The following PRKAA2 variants were observed in gnomAD, a reference collection of about 807,000 sequenced individuals.
PRKAA2 encodes the protein protein kinase AMP-activated catalytic subunit alpha 2, also known as 5'-AMP-activated protein kinase catalytic subunit alpha-2.
In PRKAA2, 40 loss-of-function variants were observed where a neutral mutation model predicts 56.3. The observed-to-expected ratio is 0.71, with a 90% CI of 0.55 to 0.92. The LOEUF (loss-of-function observed/expected upper bound fraction) is 0.92, where lower values mean the gene tolerates loss of function less well. PRKAA2 is among the 40% of genes least tolerant of loss of function. PRKAA2 has a pLI of 0.00. For synonymous variants in PRKAA2, 214 were observed against 234.2 expected, an observed-to-expected ratio of 0.91 and a Z score of 0.79; for missense variants, 542 against 686.9, an observed-to-expected ratio of 0.79 and a Z score of 2.36.
At position 56,645,460 on chromosome 1, in the gene PRKAA2, G is replaced by C; in HGVS notation, c.73G>C (p.Gly25Arg). ...HYVLGDTLGVGTFGKVKIGEH... is the reference protein window; with the variant it reads ...HYVLGDTLGVRTFGKVKIGEH... ...CGTGCTGGGCGACACGCTGGGCGTCGGCACCTTCGGCAAAGTGAAGAGTTG... is the reference window on the plus strand; with the variant it reads ...CGTGCTGGGCGACACGCTGGGCGTCCGCACCTTCGGCAAAGTGAAGAGTTG... Residue 25 changes from glycine to arginine, a missense_variant, in exon 1 of 9, where the codon GGC becomes CGC. Gly to Arg is a moderately radical substitution (Grantham distance 125). Around this residue, in one of 5 missense-constraint regions of PRKAA2, gnomAD observed 59 missense variants for 53.9 expected, o/e 1.09. Transcript: ENST00000371244. 6.7e-7 allele frequency: 1 copy of C among 1,500,038 alleles called. No individual in the cohort carries two copies. Among genetic ancestry groups the C allele is most frequent in the Non-Finnish European group, 8.9e-7 (1 of 1,117,830 alleles). The allele number at this position is 1,500,038 out of a possible 1,614,324, so 92.9% of individuals were successfully genotyped here.
In PRKAA2 at chr1:56,698,906, A is replaced by T. The variant is rs147131750; in HGVS notation, c.788+2747A>T. 6.9e-3 allele frequency among the ~76,000 whole-genome samples: 1,045 copies of T among 152,272 alleles called. 13 individuals are homozygous for T. Among genetic ancestry groups the T allele is most frequent in the African/African-American group, 0.024 (1,008 of 41,568 alleles). On this transcript the variant is annotated intron_variant, in intron 6 of 8. Transcript: ENST00000371244. ...GATAGATATTATCTTCATGGAAAAC[A>T]CATCTTTGTGTTCTCCAGGTATCTT...
In PRKAA2 at chr1:56,680,093, G is replaced by C. The variant is rs894143609; in HGVS notation, c.236+5571G>C. Among the ~76,000 whole-genome samples the C allele has an allele frequency of 7.9e-5, 12 of 152,184 alleles. No homozygotes were observed. The South Asian group carries it at 2.1e-3, about 26-fold the overall frequency. On this transcript the variant is annotated intron_variant, in intron 2 of 8. Transcript: ENST00000371244. ...TGGGCTATTAGTAGTTAAGTTTAGG[G>C]GTAGTCAAAAGTTAAACGTGGATTT...
At chr1:56,662,581 C>T (rs1008844261) in intron 1 of PRKAA2, among the ~76,000 whole-genome samples, 7 of 152,096 alleles carry the variant, frequency 4.6e-5, no homozygotes, top group Non-Finnish European at 1.0e-4. Context: ...GCCACCATGC[C>T]CGGCCAACTT....
At chr1:56,670,095 T>G (rs944718754) in intron 1 of PRKAA2, among the ~76,000 whole-genome samples, 4 of 152,336 alleles carry the variant, frequency 2.6e-5, no homozygotes, top group Middle Eastern at 3.4e-3. Context: ...GTAGAGCTCT[T>G]TAACTTTTTA....
intron 1 of PRKAA2, among the ~76,000 whole-genome samples, chr1:56,650,182 A>C (rs576303394): frequency 4.5e-4 from 68 of 152,356 alleles, no homozygotes; most frequent in African/African-American, 1.6e-3. Context: ...GCAAAAATTG[A>C]AAATGGAATA....
chr1:56,706,309 GTAGGTCCTGCACTGGT>G, intron 8 of PRKAA2, 91 bp downstream of exon 8: 1 of 1,472,726 alleles, frequency 6.8e-7, no homozygotes, highest in Admixed American at 2.0e-5. Flanking sequence ...CATCCGGTGG[GTAGGTCCTGCACTGGT>G]TTTTAAGCAA....
At chr1:56,684,339 G>A (rs1386244449) in intron 2 of PRKAA2, among the ~76,000 whole-genome samples, 1 of 152,054 alleles carries the variant, frequency 6.6e-6, no homozygotes, top group East Asian at 1.9e-4. Context: ...TGTTGAATAA[G>A]TGAATCTGGA....
chr1:56,681,385 C>G (rs1176103795), intron 2 of PRKAA2, among the ~76,000 whole-genome samples: 1 of 152,132 alleles, frequency 6.6e-6, no homozygotes, highest in African/African-American at 2.4e-5. Context: ...TCAATTTTGG[C>G]TTTTGTTGCC....
rs1004278044 is a variant in PRKAA2, at chr1:56,712,053, C to A, written c.*4340C>A. ...ACAAATTTGGAGTGATGAAAGTGTT[C>A]CATATATTTTTTATAGTGATTTTTC... On this transcript the variant is annotated 3_prime_UTR_variant, in exon 9 of 9. Coordinates refer to ENST00000371244, the MANE Select transcript of PRKAA2 (RefSeq NM_006252.4). 6.6e-6 allele frequency: 1 copy of A among 152,072 alleles called. No individual in the cohort carries two copies. Among genetic ancestry groups the A allele is most frequent in the Non-Finnish European group, 1.5e-5 (1 of 67,998 alleles). The allele number at this position is 152,072 out of a possible 1,614,324, so 9.4% of individuals were successfully genotyped here. A position where few individuals can be genotyped will look rare whatever the true frequency, so the allele number is the denominator to read the frequency against.
chr1:56,645,783 T>G (rs1405649908), intron 1 of PRKAA2, among the ~76,000 whole-genome samples: 1 of 152,156 alleles, frequency 6.6e-6, no homozygotes, highest in East Asian at 1.9e-4. Flanking sequence ...CTGTGTTCTC[T>G]GGACCTCAGT....
At position 56,710,583 on chromosome 1, in the gene PRKAA2, G is replaced by T. The variant is rs964517230; in HGVS notation, c.*2870G>T. Reference sequence around the variant, plus strand: ...AACACTTCCATTTCTCTTACTGGTTGTTGGGAGAATCTGATTGAAAATTAG... The same window carrying T: ...AACACTTCCATTTCTCTTACTGGTTTTTGGGAGAATCTGATTGAAAATTAG... On this transcript the variant is annotated 3_prime_UTR_variant, in exon 9 of 9. Transcript: ENST00000371244. The T allele has an allele frequency of 6.6e-6, 1 of 152,106 alleles. No homozygotes were observed. Among genetic ancestry groups the T allele is most frequent in the African/African-American group, 2.4e-5 (1 of 41,440 alleles). 9.4% of individuals were successfully genotyped at this position (152,106 alleles called of 1,614,324 possible).
chr1:56,665,913 T>C (rs1282830981), intron 1 of PRKAA2, among the ~76,000 whole-genome samples: 2 of 152,214 alleles, frequency 1.3e-5, no homozygotes, highest in African/African-American at 2.4e-5. Flanking sequence ...ATTGTAGTTC[T>C]GGTGCTGATG....
Position 56,708,558 on chromosome 1 carries a change from G to A in PRKAA2, c.*845G>A, listed in dbSNP as rs746436824. On this transcript the variant is annotated 3_prime_UTR_variant, in exon 9 of 9. Transcript: ENST00000371244. ...GCATTTCACCAACAGTGATAAAATA[G>A]TTAAATGAAACAAAGCAAAGTATCA... 1 of 152,140 alleles carries A rather than the reference G, an allele frequency of 6.6e-6. No homozygotes were observed. The highest frequency in any genetic ancestry group is 1.5e-5 in the Non-Finnish European group (1 of 68,026). 9.4% of individuals were successfully genotyped at this position (152,140 alleles called of 1,614,324 possible). A position where few individuals can be genotyped will look rare whatever the true frequency, so the allele number is the denominator to read the frequency against.
intron 6 of PRKAA2, among the ~76,000 whole-genome samples, chr1:56,697,148 G>T (rs1310038780): frequency 2.7e-5 from 4 of 150,726 alleles, no homozygotes; most frequent in African/African-American, 9.8e-5. Context: ...TGAGTAGCTG[G>T]GACTATAGGC....
chr1:56,698,640 T>A (rs1039610201), intron 6 of PRKAA2, among the ~76,000 whole-genome samples: 1 of 152,214 alleles, frequency 6.6e-6, no homozygotes, highest in South Asian at 2.1e-4. Flanking sequence ...TTCTGTGATA[T>A]CTATCCTTTC....
chr1:56,667,829 C>T (rs1166418427), intron 1 of PRKAA2, among the ~76,000 whole-genome samples: 2 of 152,138 alleles, frequency 1.3e-5, no homozygotes, highest in Non-Finnish European at 2.9e-5. Flanking sequence ...AAATTGACTT[C>T]TGTAGACACC....
rs1042946476 is a variant in PRKAA2 at position 56,708,960 on chromosome 1, G to C, written c.*1247G>C. On this transcript the variant is annotated 3_prime_UTR_variant, in exon 9 of 9. Coordinates refer to ENST00000371244, the MANE Select transcript of PRKAA2 (RefSeq NM_006252.4). ...TTTTTGTTTGTTTGTTTTGCTTTGT[G>C]CAGGTTTTCTTTAAGATTAAAAAAA... 1 of 151,468 alleles carries C rather than the reference G, an allele frequency of 6.6e-6. No individual in the cohort carries two copies. Among genetic ancestry groups the C allele is most frequent in the African/African-American group, 2.4e-5 (1 of 41,184 alleles). The allele number at this position is 151,468 out of a possible 1,614,324, so 9.4% of individuals were successfully genotyped here.
At chr1:56,649,643 T>A (rs1447301691) in intron 1 of PRKAA2, among the ~76,000 whole-genome samples, 1 of 152,214 alleles carries the variant, frequency 6.6e-6, no homozygotes, top group Non-Finnish European at 1.5e-5. Context: ...TTTTCCTTTT[T>A]CTTATTTGTT....
intron 1 of PRKAA2, among the ~76,000 whole-genome samples, chr1:56,653,650 A>G (rs920738902): frequency 2.0e-5 from 3 of 152,200 alleles, no homozygotes; most frequent in Admixed American, 1.3e-4. Context: ...TGTAGACACC[A>G]TTATGTACTT....
Sources: gnomAD v4.1 joint callset for allele counts (sites outside exome capture counted in the v4.1 genomes callset) on GRCh38, gnomAD v4.1.1 for gene constraint, gnomAD v4.1.1 regional missense constraint, MANE v1.5 for transcripts, NCBI Gene and HGNC (gene_info 2026-07-23, HGNC 2026-07-21) for gene names.